The following PDCD11 variants were observed in gnomAD, a reference collection of about 807,000 sequenced individuals.
The protein encoded by PDCD11 is programmed cell death 11.
A neutral mutation model predicts 198.9 loss-of-function variants in PDCD11; 97 were observed. The ratio of observed to expected loss-of-function variants is 0.49; its 90% CI spans 0.41 to 0.58. PDCD11 has a LOEUF of 0.58. PDCD11 is among the 20% of genes least tolerant of loss of function. PDCD11 has a pLI of 0.00. For missense variants in PDCD11, 2,102 were observed against 2,312.7 expected (o/e 0.91, Z 1.87); for synonymous variants, 893 against 918.0 (o/e 0.97, Z 0.49).
intron 18 of PDCD11, 128 bp from the exon 19 acceptor site, chr10:103,423,415 C>T (rs771321072): frequency 1.1e-5 from 8 of 722,500 alleles, no homozygotes; most frequent in East Asian, 5.3e-5. Flanking sequence ...AATTATGGCC[C>T]GTATGGACCC....
intron 5 of PDCD11, 149 bp downstream of exon 5, chr10:103,405,332 G>A: frequency 1.5e-6 from 1 of 677,374 alleles, no homozygotes. Context: ...TGGGTTCTTT[G>A]GGCACTTAAT....
At chr10:103,435,083 T>C in intron 25 of PDCD11, 108 bp downstream of exon 25, 1 of 787,548 alleles carries the variant, frequency 1.3e-6, no homozygotes, top group Non-Finnish European at 1.8e-6. Flanking sequence ...GTATATGAAA[T>C]AGAAAATGAA....
intron 24 of PDCD11, 108 bp from the exon 25 acceptor site, chr10:103,434,689 AC>A (rs2032077195): frequency 1.2e-6 from 1 of 837,578 alleles, no homozygotes; most frequent in Non-Finnish European, 1.8e-6. Flanking sequence ...CAGCCCAGAT[AC>A]CCCAAGTCTG....
chr10:103,426,521 C>T (rs538842479), intron 20 of PDCD11, among the ~76,000 whole-genome samples: 5 of 152,198 alleles, frequency 3.3e-5, no homozygotes, highest in East Asian at 1.9e-4. Flanking sequence ...AGGCCAGGCA[C>T]GGTGGCTCAC....
intron 3 of PDCD11, among the ~76,000 whole-genome samples, chr10:103,402,770 G>A (rs376174736): frequency 2.7e-5 from 4 of 148,080 alleles, no homozygotes; most frequent in African/African-American, 1.0e-4. Context: ...GAGATAGGGT[G>A]TCACTTTGTT....
At chr10:103,435,354 T>C (rs1283980894) in intron 25 of PDCD11, among the ~76,000 whole-genome samples, 1 of 152,236 alleles carries the variant, frequency 6.6e-6, no homozygotes, top group Non-Finnish European at 1.5e-5. Flanking sequence ...GAAATTTGTG[T>C]AACCAATTCT....
chr10:103,430,138 G>A (rs958696625), intron 21 of PDCD11, among the ~76,000 whole-genome samples: 1 of 152,010 alleles, frequency 6.6e-6, no homozygotes, highest in Middle Eastern at 3.2e-3. Flanking sequence ...CTACAGGCAC[G>A]CACCAACATG....
At chr10:103,399,906 G>T (rs952882130) in intron 2 of PDCD11, 1 of 152,242 alleles carries the variant, frequency 6.6e-6, no homozygotes, top group African/African-American at 2.4e-5. Context: ...GGCCAGGCTG[G>T]TCTTGAACTC....
At chr10:103,398,835 A>G (rs1388050135) in intron 2 of PDCD11, among the ~76,000 whole-genome samples, 1 of 152,196 alleles carries the variant, frequency 6.6e-6, no homozygotes, top group Non-Finnish European at 1.5e-5. Context: ...CCTGGCCAAC[A>G]TGGTGAAACC....
At chr10:103,416,305 A>C (rs1312842246) in intron 12 of PDCD11, among the ~76,000 whole-genome samples, 186 bp from the exon 13 acceptor site, 1 of 152,238 alleles carries the variant, frequency 6.6e-6, no homozygotes, top group Non-Finnish European at 1.5e-5. Flanking sequence ...CATTTGAAAT[A>C]GTGATTTGTA....
At chr10:103,403,039 A>G (rs1376178566) in intron 3 of PDCD11, 79 bp from the exon 4 acceptor site, 2 of 1,336,442 alleles carry the variant, frequency 1.5e-6, no homozygotes, top group African/African-American at 1.4e-5. Flanking sequence ...TTTTAAATTG[A>G]CACTAGAAGC....
At chr10:103,410,438 G>A (rs1328054357) in intron 8 of PDCD11, among the ~76,000 whole-genome samples, 1 of 151,808 alleles carries the variant, frequency 6.6e-6, no homozygotes, top group Non-Finnish European at 1.5e-5. Flanking sequence ...ATTTAACATA[G>A]GAGAATAAGA....
At chr10:103,415,474 C>T (rs749046844) in intron 12 of PDCD11, among the ~76,000 whole-genome samples, 1 of 152,184 alleles carries the variant, frequency 6.6e-6, no homozygotes, top group Non-Finnish European at 1.5e-5. Context: ...TTATCAGTAG[C>T]GACTGCCACG....
intron 19 of PDCD11, 102 bp from the exon 20 acceptor site, chr10:103,424,882 G>T (rs1564769313): frequency 7.4e-7 from 1 of 1,348,346 alleles, no homozygotes; most frequent in East Asian, 2.3e-5. Flanking sequence ...CTAGCCTTGG[G>T]ACCCCAGAGG....
At chr10:103,422,485 C>T (rs564605667) in intron 17 of PDCD11, among the ~76,000 whole-genome samples, 1 of 151,254 alleles carries the variant, frequency 6.6e-6, no homozygotes, top group African/African-American at 2.4e-5. Flanking sequence ...TCCCCACTGC[C>T]AGTCCAGAGT....
chr10:103,434,757 C>T, intron 24 of PDCD11, 41 bp from the exon 25 acceptor site: 1 of 1,556,002 alleles, frequency 6.4e-7, no homozygotes, highest in Non-Finnish European at 8.7e-7. Context: ...CCTCCCTTAG[C>T]TCATTTCCTC....
At chr10:103,434,186 T>C in intron 23 of PDCD11, 62 bp from the exon 24 acceptor site, 3 of 1,268,402 alleles carry the variant, frequency 2.4e-6, no homozygotes, top group South Asian at 1.2e-5. Flanking sequence ...ACTTAAATGC[T>C]GTGGTTTTGG....
intron 25 of PDCD11, among the ~76,000 whole-genome samples, chr10:103,437,267 A>G (rs2032190169): frequency 1.3e-5 from 2 of 151,982 alleles, no homozygotes; most frequent in South Asian, 4.2e-4. Flanking sequence ...TCAGCCTCCC[A>G]AGTGGCTGGG....
Position 103,440,284 on chromosome 10 carries a change from T to C in PDCD11, c.4149-6T>C. ...GTCTTTACCTCCCCATCTTGCTCTG[T>C]CATAGCCTTAACCACCAGAAGAACC... On this transcript the variant is annotated splice_polypyrimidine_tract_variant and splice_region_variant and intron_variant, in intron 28 of 35. Transcript: ENST00000369797. 2 of 1,610,772 alleles carry C rather than the reference T, an allele frequency of 1.2e-6. No individual in the cohort carries two copies. Among genetic ancestry groups the C allele is most frequent in the Non-Finnish European group, 1.7e-6 (2 of 1,178,698 alleles).
Sources: allele counts gnomAD v4.1 joint callset (sites outside exome capture counted in the v4.1 genomes callset), GRCh38; gene constraint gnomAD v4.1.1; transcripts MANE v1.5; gene names NCBI Gene and HGNC (gene_info 2026-07-23, HGNC 2026-07-21).